The following GOLGA4 variants were observed in gnomAD, a reference collection of about 807,000 sequenced individuals.
The protein encoded by GOLGA4 is golgin A4.
GOLGA4 carries 169 observed loss-of-function variants against 265.9 expected under a neutral mutation model. That is an observed-to-expected ratio of 0.64 (90% CI 0.56 to 0.72). The LOEUF (loss-of-function observed/expected upper bound fraction) is 0.72. Among genes scored for constraint, GOLGA4 ranks in the 30% least tolerant of loss-of-function variants. The pLI, the probability that GOLGA4 is intolerant of heterozygous loss-of-function variation, is 0.00. For synonymous variants in GOLGA4, 923 were observed against 855.8 expected (o/e 1.08, Z -1.37); for missense variants, 2,482 against 2,483.4 (o/e 1.00, Z 0.01).
At chr3:37,266,638 C>T (rs180697280) in intron 2 of GOLGA4, among the ~76,000 whole-genome samples, 70 of 152,200 alleles carry the variant, frequency 4.6e-4, no homozygotes, top group African/African-American at 1.7e-3. Context: ...AAACTGATCA[C>T]GCATCTCCAT....
At chr3:37,318,257 G>A (rs2096943527) in intron 11 of GOLGA4, among the ~76,000 whole-genome samples, 1 of 151,924 alleles carries the variant, frequency 6.6e-6, no homozygotes, top group Admixed American at 6.6e-5. Flanking sequence ...GTTTTGTCCA[G>A]GCCAGTCTTG....
chr3:37,346,321 G>A (rs1442361661), intron 20 of GOLGA4, among the ~76,000 whole-genome samples: 1 of 152,138 alleles, frequency 6.6e-6, no homozygotes, highest in South Asian at 2.1e-4. Flanking sequence ...TTGTTTCCCA[G>A]TAGTAACTGC....
intron 20 of GOLGA4, among the ~76,000 whole-genome samples, chr3:37,340,822 G>GT (rs1420752075): frequency 2.0e-5 from 3 of 152,134 alleles, no homozygotes; most frequent in Non-Finnish European, 4.4e-5. Flanking sequence ...TGGTTAATCT[G>GT]TTTTTTACAA....
intron 5 of GOLGA4, among the ~76,000 whole-genome samples, chr3:37,289,789 A>C (rs1454589042): frequency 1.3e-5 from 2 of 152,138 alleles, no homozygotes; most frequent in Admixed American, 1.3e-4. Flanking sequence ...TTTTGTAATG[A>C]GTACCTGTTG....
At chr3:37,304,746 G>A (rs563448524) in intron 10 of GOLGA4, among the ~76,000 whole-genome samples, 9 of 152,064 alleles carry the variant, frequency 5.9e-5, no homozygotes, top group Non-Finnish European at 1.2e-4. Flanking sequence ...ATTTACATGC[G>A]GATAAAATTT....
intron 2 of GOLGA4, among the ~76,000 whole-genome samples, chr3:37,263,150 C>T (rs2150677134): frequency 6.6e-6 from 1 of 152,146 alleles, no homozygotes; most frequent in East Asian, 1.9e-4. Flanking sequence ...TAGATAAATA[C>T]TTACCATTGT....
chr3:37,348,394 A>G (rs762898275), intron 21 of GOLGA4, among the ~76,000 whole-genome samples: 1 of 152,136 alleles, frequency 6.6e-6, no homozygotes, highest in Non-Finnish European at 1.5e-5. Flanking sequence ...AATCACAGCA[A>G]TTCAGTGTCT....
intron 19 of GOLGA4, 73 bp downstream of exon 19, chr3:37,337,807 T>C: frequency 3.1e-6 from 3 of 979,238 alleles, no homozygotes; most frequent in Non-Finnish European, 4.9e-6. Flanking sequence ...CAGCTACTTT[T>C]TAAATAGTTG....
rs144597090 is a variant in GOLGA4, at chr3:37,337,654, T to G, written c.6328-12T>G. On this transcript the variant is annotated splice_polypyrimidine_tract_variant and intron_variant, in intron 18 of 23. Coordinates refer to ENST00000361924, the MANE Select transcript of GOLGA4 (RefSeq NM_002078.5). ...CTATGTGCATTTCAGATCTGACTTTTTGTTCTTTCAGACACAGCTAGCACA... is the reference window on the plus strand; with the variant it reads ...CTATGTGCATTTCAGATCTGACTTTGTGTTCTTTCAGACACAGCTAGCACA... The G allele has an allele frequency of 6.3e-7, 1 of 1,593,076 alleles. No individual in the cohort carries two copies. The highest frequency in any genetic ancestry group is 8.6e-7 in the Non-Finnish European group (1 of 1,160,926).
intron 21 of GOLGA4, among the ~76,000 whole-genome samples, chr3:37,353,049 A>G (rs1352944802): frequency 6.6e-6 from 1 of 152,086 alleles, no homozygotes; most frequent in East Asian, 1.9e-4. Flanking sequence ...CAGGGAATAG[A>G]GAATCCCAAG....
At chr3:37,308,247 G>A (rs1007890631) in intron 10 of GOLGA4, among the ~76,000 whole-genome samples, 1 of 150,170 alleles carries the variant, frequency 6.7e-6, no homozygotes, top group African/African-American at 2.4e-5. Flanking sequence ...AAAAAAAAAC[G>A]AACAAAAAGA....
intron 2 of GOLGA4, chr3:37,276,582 G>A (rs1367018413): frequency 1.3e-5 from 20 of 1,589,360 alleles, no homozygotes; most frequent in Non-Finnish European, 1.5e-5. Context: ...TGTGGAAATC[G>A]ATGGAAGTTC....
In GOLGA4 at chr3:37,295,088, A is replaced by G. The variant is rs983005076; in HGVS notation, c.681+11A>G. The G allele has an allele frequency of 3.5e-6, 5 of 1,437,136 alleles. No homozygotes were observed. The highest frequency in any genetic ancestry group is 4.8e-6 in the Non-Finnish European group (5 of 1,051,504). 89.0% of individuals were successfully genotyped at this position (1,437,136 alleles called of 1,614,324 possible). ...GTTCTCCAAACTCAGGTAAAAGAGT[A>G]AAAGAAAAAGTGTGGAATTTTTTGG... On this transcript the variant is annotated intron_variant, in intron 6 of 23. Transcript: ENST00000361924.
At chr3:37,271,263 A>G (rs1398067975) in intron 2 of GOLGA4, among the ~76,000 whole-genome samples, 2 of 152,092 alleles carry the variant, frequency 1.3e-5, no homozygotes, top group African/African-American at 4.8e-5. Flanking sequence ...AGTATGTAGT[A>G]TATTATATTT....
chr3:37,261,335 G>C (rs1490720312), intron 2 of GOLGA4, among the ~76,000 whole-genome samples: 1 of 152,144 alleles, frequency 6.6e-6, no homozygotes, highest in Non-Finnish European at 1.5e-5. Flanking sequence ...CATGGAAGTA[G>C]TAGATAAAAC....
At position 37,324,755 on chromosome 3, in the gene GOLGA4, G is replaced by C. The variant is rs1377318753; in HGVS notation, c.2869G>C (p.Glu957Gln). The change falls in exon 14 of 24, where the codon GAA (glutamate) becomes CAA (glutamine). Residue 957 changes from glutamate to glutamine, a missense_variant. Physicochemically the swap from Glu to Gln is conservative, Grantham distance 29 (BLOSUM62 2). This residue lies in a region of GOLGA4 where 1,536 missense variants were observed against 1,483.7 expected (regional missense o/e 1.04). Transcript: ENST00000361924. ...ATTTAAAAACCAAGAAAAAAAGATG[G>C]AAAAAGTTAAGCAGAAAGCAAAGGA... The part of the protein sequence containing the change: ...TKFKNQEKKM[E>Q]KVKQKAKEMQ... 6.3e-7 allele frequency: 1 copy of C among 1,585,912 alleles called. No homozygotes were observed. Among genetic ancestry groups the C allele is most frequent in the Admixed American group, 1.9e-5 (1 of 51,934 alleles).
chr3:37,275,793 T>C (rs1225509355), intron 2 of GOLGA4: 1 of 1,613,520 alleles, frequency 6.2e-7, no homozygotes, highest in African/African-American at 1.3e-5. Context: ...CTTAAGAATA[T>C]TCCTATGACC....
At chr3:37,335,322 A>AT in intron 17 of GOLGA4, among the ~76,000 whole-genome samples, 156 bp downstream of exon 17, 1 of 152,220 alleles carries the variant, frequency 6.6e-6, no homozygotes, top group Middle Eastern at 3.2e-3. Context: ...GATAAACTAA[A>AT]TGTTCAAAGA....
chr3:37,311,209 T>G (rs972587697), intron 10 of GOLGA4, among the ~76,000 whole-genome samples: 13 of 152,284 alleles, frequency 8.5e-5, no homozygotes, highest in South Asian at 8.3e-4. Context: ...GCTTCATTTG[T>G]GATACAGTGT....
Sources: allele counts gnomAD v4.1 joint callset (sites outside exome capture counted in the v4.1 genomes callset), GRCh38; gene constraint gnomAD v4.1.1; regional missense constraint gnomAD v4.1.1; transcripts MANE v1.5; gene names NCBI Gene and HGNC (gene_info 2026-07-23, HGNC 2026-07-21).